The following PAH variants were observed in gnomAD, a reference collection of about 807,000 sequenced individuals.
The protein encoded by PAH is phenylalanine hydroxylase, also known as phenylalanine-4-hydroxylase.
In PAH, 64 loss-of-function variants were observed where a neutral mutation model predicts 62.0. That is an observed-to-expected ratio of 1.03 (90% confidence interval 0.84 to 1.27). The LOEUF is 1.27. Ranked by LOEUF, PAH falls within the 50% of genes most tolerant of loss-of-function variation. The pLI, the probability that PAH is intolerant of heterozygous loss-of-function variation, is 0.00. For missense variants in PAH, 579 were observed against 542.8 expected, an observed-to-expected ratio of 1.07 and a Z score of -0.66; for synonymous variants, 195 against 196.2, an observed-to-expected ratio of 0.99 and a Z score of 0.05.
chr12:102,939,142 C>G (rs771761323), intron 1 of PAH, among the ~76,000 whole-genome samples: 2 of 152,040 alleles, frequency 1.3e-5, no homozygotes, highest in Non-Finnish European at 2.9e-5. Context: ...CCACTTGGGC[C>G]TGCAGAGTAA....
chr12:102,933,771 T>G (rs2136752876), intron 1 of PAH, among the ~76,000 whole-genome samples: 1 of 152,286 alleles, frequency 6.6e-6, no homozygotes, highest in South Asian at 2.1e-4. Context: ...TCAGATTTTT[T>G]TGCCCATTTT....
chr12:102,844,296 C>T (rs1874730155), intron 10 of PAH, 40 bp downstream of exon 10: 1 of 1,378,254 alleles, frequency 7.3e-7, no homozygotes, highest in South Asian at 1.2e-5. Context: ...TCTGTACCCA[C>T]CACTTTTAAA....
At chr12:102,881,454 G>T (rs1279758717) in intron 3 of PAH, among the ~76,000 whole-genome samples, 2 of 151,994 alleles carry the variant, frequency 1.3e-5, no homozygotes, top group African/African-American at 4.8e-5. Context: ...CATTTTTCCT[G>T]TGCGGGTATG....
chr12:102,871,057 C>T (rs911348688), intron 4 of PAH, among the ~76,000 whole-genome samples: 3 of 152,294 alleles, frequency 2.0e-5, no homozygotes, highest in East Asian at 1.9e-4. Context: ...CACCTGCATT[C>T]GACCACCACC....
At chr12:102,956,445 C>T (rs898190204) in intron 1 of PAH, among the ~76,000 whole-genome samples, 1 of 152,170 alleles carries the variant, frequency 6.6e-6, no homozygotes, top group African/African-American at 2.4e-5. Flanking sequence ...GCGCCTCCCC[C>T]TCCCTCTCGG....
At chr12:102,842,741 G>A (rs1371217950) in intron 11 of PAH, among the ~76,000 whole-genome samples, 5 of 151,982 alleles carry the variant, frequency 3.3e-5, no homozygotes, top group Non-Finnish European at 7.4e-5. Context: ...GGATTTCTTT[G>A]AGAAGTCATT....
At chr12:102,929,419 GA>G (rs1878782143) in intron 1 of PAH, among the ~76,000 whole-genome samples, 1 of 152,162 alleles carries the variant, frequency 6.6e-6, no homozygotes, top group South Asian at 2.1e-4. Context: ...GAACCTTCCA[GA>G]ACCTTCCAGG....
In PAH at chr12:102,854,925, T is replaced by G; in HGVS notation, c.706+211A>C. The stretch of plus-strand genomic sequence containing the variant: ...GGCAAAATCCACAGCCTCAGGTGTT[T>G]GATTGAATGAAAGTGGATAAACACA... On this transcript the variant is annotated intron_variant, in intron 6 of 12. Transcript: ENST00000553106. 5 of 630,328 alleles carry G rather than the reference T, an allele frequency of 7.9e-6. No homozygotes were observed. The South Asian group carries it at 8.8e-5, about 11-fold the overall frequency. The allele number at this position is 630,328 out of a possible 1,614,324, so 39.0% of individuals were successfully genotyped here.
In PAH at chr12:102,851,611, C is replaced by CCT. The variant is rs1592952107; in HGVS notation, c.912+74_912+75dup. On this transcript the variant is annotated intron_variant, in intron 8 of 12. Coordinates refer to ENST00000553106, the MANE Select transcript of PAH (RefSeq NM_000277.3). ...CGCTCTTGCAGAGGGCATGAGGACC[C>CCT]CTCCCTGGGCTCAACTCATTTGAGA... 4 of 1,209,394 alleles carry CCT rather than the reference C, an allele frequency of 3.3e-6. No individual in the cohort carries two copies. The East Asian group carries it at 9.3e-5, about 28-fold the overall frequency. The allele number at this position is 1,209,394 out of a possible 1,614,324, so 74.9% of individuals were successfully genotyped here.
At chr12:102,922,282 CT>C (rs1244550077) in intron 1 of PAH, among the ~76,000 whole-genome samples, 1 of 151,788 alleles carries the variant, frequency 6.6e-6, no homozygotes, top group African/African-American at 2.4e-5. Flanking sequence ...CAACCTCCAC[CT>C]CCCCAGTTCA....
intron 1 of PAH, among the ~76,000 whole-genome samples, chr12:102,923,982 C>G (rs1878619643): frequency 6.6e-6 from 1 of 152,194 alleles, no homozygotes; most frequent in African/African-American, 2.4e-5. Flanking sequence ...CAGTTTCTTG[C>G]CTTTATACAC....
At chr12:102,917,378 C>A (rs1024112207), upstream of PAH, 3 of 529,430 alleles carry the variant, frequency 5.7e-6, no homozygotes, top group African/African-American at 5.7e-5. Flanking sequence ...AGGGGAGGGG[C>A]TGAGGGAGGG....
intron 4 of PAH, among the ~76,000 whole-genome samples, chr12:102,875,942 T>C (rs868558429): frequency 2.1e-5 from 1 of 48,428 alleles, no homozygotes; most frequent in Admixed American, 2.8e-4. Flanking sequence ...TATATATACA[T>C]ATATATATAG....
intron 3 of PAH, among the ~76,000 whole-genome samples, chr12:102,884,015 T>G (rs1681096062): frequency 2.0e-5 from 3 of 152,210 alleles, no homozygotes; most frequent in Non-Finnish European, 2.9e-5. Flanking sequence ...AAGTATCTGA[T>G]AGTGGTATTA....
intron 3 of PAH, among the ~76,000 whole-genome samples, chr12:102,880,943 T>C (rs1448693165): frequency 6.6e-6 from 1 of 150,760 alleles, no homozygotes; most frequent in Admixed American, 6.6e-5. Context: ...AAAATTACAA[T>C]TGCATAAAAT....
rs1466694110 is a variant in PAH at position 102,848,841 on chromosome 12, C to T, written c.913-1890G>A. ...TGAGTGTAGACACAATACCAGGGCACCGAAAGGCTGAGGGTTAAAGGGACA... is the reference window on the plus strand; with the variant it reads ...TGAGTGTAGACACAATACCAGGGCATCGAAAGGCTGAGGGTTAAAGGGACA... On this transcript the variant is annotated intron_variant, in intron 8 of 12. Transcript: ENST00000553106. 2.1e-5 allele frequency among the ~76,000 whole-genome samples: 3 copies of T among 142,870 alleles called. No homozygotes were observed. The East Asian group carries it at 6.6e-4, about 31-fold the overall frequency. The allele number at this position is 142,870 out of a possible 152,430, so 93.7% of individuals were successfully genotyped here.
intron 2 of PAH, among the ~76,000 whole-genome samples, chr12:102,902,970 C>A (rs1284620437): frequency 6.6e-6 from 1 of 152,224 alleles, no homozygotes; most frequent in Non-Finnish European, 1.5e-5. Context: ...AGGGTTGCAG[C>A]TTAATCTGGC....
At chr12:102,949,040 A>C (rs542212545) in intron 1 of PAH, among the ~76,000 whole-genome samples, 1 of 152,168 alleles carries the variant, frequency 6.6e-6, no homozygotes, top group African/African-American at 2.4e-5. Context: ...GCAGGTGGCG[A>C]ACGACCCACA....
chr12:102,881,773 T>A (rs1876821609), intron 3 of PAH, among the ~76,000 whole-genome samples: 1 of 152,242 alleles, frequency 6.6e-6, no homozygotes, highest in Non-Finnish European at 1.5e-5. Flanking sequence ...ACCCATGTTC[T>A]CCCAAATGAC....
Sources: gnomAD v4.1 joint callset for allele counts (sites outside exome capture counted in the v4.1 genomes callset) on GRCh38, gnomAD v4.1.1 for gene constraint, MANE v1.5 for transcripts, NCBI Gene and HGNC (gene_info 2026-07-23, HGNC 2026-07-21) for gene names.